RELN: variants seen among roughly 807,000 people sequenced by gnomAD.
RELN encodes reelin.
In RELN, 108 loss-of-function variants were observed where a neutral mutation model predicts 427.6. That is an observed-to-expected ratio of 0.25 (90% CI 0.22 to 0.30). The LOEUF (loss-of-function observed/expected upper bound fraction) is 0.30. Among genes scored for constraint, RELN ranks in the 10% least tolerant of loss-of-function variants. RELN has a pLI of 1.00. For synonymous variants in RELN, 1,524 were observed against 1,513.4 expected (o/e 1.01, Z -0.16); for missense variants, 3,715 against 4,302.8 (o/e 0.86, Z 3.82).
chr7:103,844,430 A>C (rs1165133995), intron 2 of RELN, among the ~76,000 whole-genome samples: 1 of 152,218 alleles, frequency 6.6e-6, no homozygotes, highest in Non-Finnish European at 1.5e-5. Flanking sequence ...GGACAAACTA[A>C]TAACAGCTAA....
At chr7:103,637,827 G>A (rs575063574) in intron 17 of RELN, among the ~76,000 whole-genome samples, 7 of 152,232 alleles carry the variant, frequency 4.6e-5, no homozygotes, top group East Asian at 1.9e-4. Flanking sequence ...CCACAGTCAC[G>A]AATTGGAATT....
chr7:103,558,357 C>T (rs376484846), intron 36 of RELN, among the ~76,000 whole-genome samples: 1 of 152,080 alleles, frequency 6.6e-6, no homozygotes, highest in African/African-American at 2.4e-5. Flanking sequence ...TTAAAAACAG[C>T]CTCCTTTGAT....
chr7:103,488,448 G>C (rs1828523494), intron 60 of RELN, among the ~76,000 whole-genome samples: 1 of 152,158 alleles, frequency 6.6e-6, no homozygotes, highest in African/African-American at 2.4e-5. Context: ...TACAGTGACA[G>C]ACCCAGCCGG....
At chr7:103,890,290 G>A (rs1794818551) in intron 2 of RELN, among the ~76,000 whole-genome samples, 1 of 151,758 alleles carries the variant, frequency 6.6e-6, no homozygotes, top group African/African-American at 2.4e-5. Flanking sequence ...CCATCAGACT[G>A]TAGAAGATTG....
In RELN at chr7:103,976,564, G is replaced by C. The variant is rs562160596; in HGVS notation, c.226+12567C>G. On this transcript the variant is annotated intron_variant, in intron 1 of 64. Transcript: ENST00000428762. ...AAGATTTTGAGATGAAACAATTGTAGGAACGGAGTTGGCCTTAATATAGCT... is the reference window on the plus strand; with the variant it reads ...AAGATTTTGAGATGAAACAATTGTACGAACGGAGTTGGCCTTAATATAGCT... Among the ~76,000 whole-genome samples the C allele has an allele frequency of 2.0e-5, 3 of 152,296 alleles. No individual in the cohort carries two copies. In the South Asian group the frequency reaches 6.2e-4, roughly 32 times the overall value.
intron 6 of RELN, among the ~76,000 whole-genome samples, chr7:103,744,726 A>G (rs559968933): frequency 6.6e-6 from 1 of 152,364 alleles, no homozygotes; most frequent in East Asian, 1.9e-4. Context: ...AAGAAGTTGA[A>G]TCTCTGAATA....
At chr7:103,814,165 G>GCCT (rs1427240067) in intron 3 of RELN, among the ~76,000 whole-genome samples, 1 of 152,128 alleles carries the variant, frequency 6.6e-6, no homozygotes, top group East Asian at 1.9e-4. Context: ...AATGTGCCAA[G>GCCT]CCTCTGATTC....
At chr7:103,803,964 A>C (rs1282401906) in intron 3 of RELN, among the ~76,000 whole-genome samples, 1 of 152,072 alleles carries the variant, frequency 6.6e-6, no homozygotes, top group African/African-American at 2.4e-5. Context: ...AAAACCACTG[A>C]GAATCTTTGA....
At chr7:103,802,265 G>A (rs1792486158) in intron 3 of RELN, among the ~76,000 whole-genome samples, 1 of 152,096 alleles carries the variant, frequency 6.6e-6, no homozygotes, top group African/African-American at 2.4e-5. Context: ...AAAGAAAAAT[G>A]ATCAAGTGCT....
chr7:103,941,387 C>A (rs1404998034), intron 1 of RELN, among the ~76,000 whole-genome samples: 2 of 152,132 alleles, frequency 1.3e-5, no homozygotes, highest in African/African-American at 4.8e-5. Flanking sequence ...CAAACCATTT[C>A]TTTCCTCTTA....
chr7:103,546,111 AC>A (rs1205262313), intron 41 of RELN, among the ~76,000 whole-genome samples: 1 of 152,044 alleles, frequency 6.6e-6, no homozygotes, highest in East Asian at 1.9e-4. Flanking sequence ...CATTTTTATC[AC>A]CCCAAAAGGA....
chr7:103,737,990 A>G (rs550610147), intron 6 of RELN, among the ~76,000 whole-genome samples: 1 of 151,766 alleles, frequency 6.6e-6, no homozygotes, highest in African/African-American at 2.4e-5. Context: ...ATCACAACCC[A>G]GTCATCTAAG....
intron 1 of RELN, among the ~76,000 whole-genome samples, chr7:103,918,963 A>G (rs987329488): frequency 6.6e-6 from 1 of 152,098 alleles, no homozygotes; most frequent in South Asian, 2.1e-4. Context: ...AGAAAAAAAT[A>G]CTTGTTTGAA....
intron 2 of RELN, among the ~76,000 whole-genome samples, chr7:103,871,920 A>C (rs112801922): frequency 2.6e-5 from 4 of 151,856 alleles, no homozygotes; most frequent in African/African-American, 9.7e-5. Context: ...GAAATATTAC[A>C]TTCATTTTAC....
intron 3 of RELN, among the ~76,000 whole-genome samples, chr7:103,790,440 A>C (rs1327047751): frequency 2.0e-5 from 3 of 152,102 alleles, no homozygotes; most frequent in Non-Finnish European, 4.4e-5. Flanking sequence ...TAAACCTTTG[A>C]CCATATCTCT....
At chr7:103,658,018 G>T (rs1227507188) in intron 12 of RELN, among the ~76,000 whole-genome samples, 1 of 152,100 alleles carries the variant, frequency 6.6e-6, no homozygotes. Flanking sequence ...AGCTAAAAGA[G>T]CTGGGCATAT....
chr7:103,784,643 C>A (rs1163769305), intron 3 of RELN, among the ~76,000 whole-genome samples: 1 of 152,082 alleles, frequency 6.6e-6, no homozygotes, highest in African/African-American at 2.4e-5. Flanking sequence ...GTTCTCTCTG[C>A]CTCTTCTAAT....
chr7:103,728,917 C>T (rs77518017), intron 6 of RELN, among the ~76,000 whole-genome samples: 28 of 152,190 alleles, frequency 1.8e-4, no homozygotes, highest in Admixed American at 1.4e-3. Context: ...TCACGAATAA[C>T]GGAATTAGCT....
intron 6 of RELN, among the ~76,000 whole-genome samples, chr7:103,747,868 T>C (rs1288828720): frequency 1.3e-5 from 2 of 151,342 alleles, no homozygotes; most frequent in Non-Finnish European, 2.9e-5. Flanking sequence ...ATAACTTTGG[T>C]CAAGAAAGCA....
Sources: allele counts gnomAD v4.1 joint callset (sites outside exome capture counted in the v4.1 genomes callset), GRCh38; gene constraint gnomAD v4.1.1; transcripts MANE v1.5; gene names NCBI Gene and HGNC (gene_info 2026-07-23, HGNC 2026-07-21).